The following OLA1 variants were observed in gnomAD, a reference collection of about 807,000 sequenced individuals.
OLA1 encodes obg-like ATPase 1.
In OLA1, 14 loss-of-function variants were observed where a neutral mutation model predicts 48.4. The ratio of observed to expected loss-of-function variants is 0.29; its 90% CI spans 0.19 to 0.45. OLA1 has a LOEUF of 0.45. Among genes scored for constraint, OLA1 ranks in the 20% least tolerant of loss-of-function variants. The probability of loss-of-function intolerance (pLI) is 1.00; values close to 1 mark genes in which losing one functional copy is unlikely to be tolerated. For synonymous variants in OLA1, 127 were observed against 150.4 expected (o/e 0.84, Z 1.14); for missense variants, 325 against 467.1 (o/e 0.70, Z 2.80).
intron 4 of OLA1, among the ~76,000 whole-genome samples, chr2:174,157,837 A>G (rs886355523): frequency 6.6e-6 from 1 of 152,172 alleles, no homozygotes; most frequent in African/African-American, 2.4e-5. Flanking sequence ...CTTGGGTCCA[A>G]ATGAAAAGTA....
At chr2:174,162,478 A>G (rs1484217617) in intron 4 of OLA1, among the ~76,000 whole-genome samples, 1 of 152,132 alleles carries the variant, frequency 6.6e-6, no homozygotes, top group Non-Finnish European at 1.5e-5. Flanking sequence ...ATTGCTTCCT[A>G]TTTAATAACT....
At chr2:174,113,338 A>C (rs1685700360) in intron 7 of OLA1, among the ~76,000 whole-genome samples, 1 of 152,206 alleles carries the variant, frequency 6.6e-6, no homozygotes, top group Admixed American at 6.5e-5. Context: ...CTGTGGTTAC[A>C]GGTATGTTTT....
chr2:174,120,009 T>G (rs184713261), intron 7 of OLA1, among the ~76,000 whole-genome samples: 2 of 151,998 alleles, frequency 1.3e-5, no homozygotes, highest in East Asian at 3.9e-4. Context: ...TAGTTATATT[T>G]TCCAGTTGAA....
chr2:174,159,072 A>G (rs1424146292), intron 4 of OLA1, among the ~76,000 whole-genome samples: 1 of 152,190 alleles, frequency 6.6e-6, no homozygotes, highest in African/African-American at 2.4e-5. Flanking sequence ...AAGTCATCCA[A>G]TTACTCCTTG....
In OLA1 at chr2:174,141,807, C is replaced by T; in HGVS notation, c.549+18G>A. On this transcript the variant is annotated intron_variant, in intron 5 of 10. Transcript: ENST00000284719. ...ATAAACTCTTGAGTATCTAAAGAAG[C>T]TGTAAATTTTTACTTACATATTCAG... The T allele has an allele frequency of 6.4e-7, 1 of 1,561,880 alleles. No homozygotes were observed. The highest frequency in any genetic ancestry group is 8.7e-7 in the Non-Finnish European group (1 of 1,152,820).
intron 7 of OLA1, among the ~76,000 whole-genome samples, chr2:174,111,724 A>C (rs1306822803): frequency 1.3e-5 from 2 of 152,228 alleles, no homozygotes; most frequent in Non-Finnish European, 2.9e-5. Flanking sequence ...ACACAGTCTC[A>C]CACACTTCCC....
At chr2:174,179,446 T>G (rs1045404823) in intron 4 of OLA1, among the ~76,000 whole-genome samples, 1 of 151,948 alleles carries the variant, frequency 6.6e-6, no homozygotes, top group African/African-American at 2.4e-5. Context: ...AAGGCTTATT[T>G]ATGGGAACCT....
chr2:174,130,381 T>C (rs963624959), intron 5 of OLA1, among the ~76,000 whole-genome samples: 5 of 152,192 alleles, frequency 3.3e-5, no homozygotes, highest in African/African-American at 1.2e-4. Context: ...CCCCCAAGAA[T>C]TAACACAATA....
chr2:174,176,118 G>A (rs1240322316), intron 4 of OLA1, among the ~76,000 whole-genome samples: 3 of 151,894 alleles, frequency 2.0e-5, no homozygotes, highest in Admixed American at 6.6e-5. Flanking sequence ...GTAGATCTAC[G>A]ACTGTGTACA....
At chr2:174,156,287 T>C (rs895151829) in intron 4 of OLA1, among the ~76,000 whole-genome samples, 31 of 152,090 alleles carry the variant, frequency 2.0e-4, no homozygotes, top group African/African-American at 7.0e-4. Flanking sequence ...ATAAACTAGA[T>C]GCCAGTAACA....
chr2:174,201,481 T>C (rs563205925), intron 4 of OLA1, among the ~76,000 whole-genome samples: 8 of 152,126 alleles, frequency 5.3e-5, no homozygotes, highest in Non-Finnish European at 1.0e-4. Flanking sequence ...CCTGAGTAAC[T>C]GAGACTACAG....
chr2:174,087,031 C>CTTTTTTTTTTT (rs374845811), intron 7 of OLA1, among the ~76,000 whole-genome samples: 1 of 142,074 alleles, frequency 7.0e-6, no homozygotes, highest in Non-Finnish European at 1.5e-5. Context: ...TTCTTTTTTT[C>CTTTTTTTTTTT]TTTTTTTTTT....
Position 174,081,930 on chromosome 2 carries a change from G to T in OLA1, c.863C>A (p.Thr288Lys). 6.2e-7 allele frequency: 1 copy of T among 1,611,464 alleles called. No individual in the cohort carries two copies. The highest frequency in any genetic ancestry group is 8.5e-7 in the Non-Finnish European group (1 of 1,179,178). Reference sequence around the variant, plus strand: ...AAAATGAATGCTAATTAACCTTTGTGTCATGTTCGCTTCCAGATACTTCTG... The same window carrying T: ...AAAATGAATGCTAATTAACCTTTGTTTCATGTTCGCTTCCAGATACTTCTG... Reference protein sequence around the residue: ...ERQKYLEANMTQSALPKIIKA... With the variant: ...ERQKYLEANMKQSALPKIIKA... Residue 288 changes from threonine to lysine, a missense_variant, in exon 8 of 11, where the codon ACA becomes AAA. Thr to Lys is a moderately conservative substitution (Grantham distance 78). Coordinates refer to ENST00000284719, the MANE Select transcript of OLA1 (RefSeq NM_013341.5).
chr2:174,116,091 G>A (rs1553480549), intron 7 of OLA1, among the ~76,000 whole-genome samples: 1 of 152,106 alleles, frequency 6.6e-6, no homozygotes, highest in Non-Finnish European at 1.5e-5. Flanking sequence ...CATTTATAAT[G>A]ACAGTTTTTT....
At chr2:174,096,087 AC>A (rs1354598064) in intron 7 of OLA1, among the ~76,000 whole-genome samples, 2 of 152,360 alleles carry the variant, frequency 1.3e-5, no homozygotes, top group African/African-American at 4.8e-5. Context: ...TATCCATACA[AC>A]AGAATATTAT....
In OLA1 at chr2:174,123,609, A is replaced by G; in HGVS notation, c.616T>C (p.Trp206Arg). 1 of 1,591,934 alleles carries G rather than the reference A, an allele frequency of 6.3e-7. No individual in the cohort carries two copies. Among genetic ancestry groups the G allele is most frequent in the Non-Finnish European group, 8.5e-7 (1 of 1,169,950 alleles). ...TTACAACTTACCTCTTTGTCATTCCAATCATGATAGAAGCGAACAGGTTTC... is the reference window on the plus strand; with the variant it reads ...TTACAACTTACCTCTTTGTCATTCCGATCATGATAGAAGCGAACAGGTTTC... Reference protein sequence around the residue: ...QKKPVRFYHDWNDKEIEVLNK... With the variant: ...QKKPVRFYHDRNDKEIEVLNK... Residue 206 changes from tryptophan to arginine, a missense_variant, in exon 6 of 11, where the codon TGG (tryptophan) becomes CGG (arginine). Transcript: ENST00000284719.
intron 2 of OLA1, among the ~76,000 whole-genome samples, chr2:174,242,330 G>C (rs1457533422): frequency 6.6e-6 from 1 of 152,226 alleles, no homozygotes; most frequent in African/African-American, 2.4e-5. Flanking sequence ...TGCATGCGCA[G>C]TTCACAACAG....
chr2:174,132,167 G>C (rs934401925), intron 5 of OLA1, among the ~76,000 whole-genome samples: 10 of 151,638 alleles, frequency 6.6e-5, no homozygotes, highest in African/African-American at 2.4e-4. Flanking sequence ...TATCCTCTTA[G>C]TAGCCTATTG....
chr2:174,144,903 C>T (rs142703156), intron 4 of OLA1, among the ~76,000 whole-genome samples: 54 of 125,858 alleles, frequency 4.3e-4, no homozygotes, highest in Non-Finnish European at 7.1e-4. Context: ...GCTGTGATCA[C>T]GCTGGGCGAC....
Sources: allele counts gnomAD v4.1 joint callset (sites outside exome capture counted in the v4.1 genomes callset), GRCh38; gene constraint gnomAD v4.1.1; transcripts MANE v1.5; gene names NCBI Gene and HGNC (gene_info 2026-07-23, HGNC 2026-07-21).